The following CSMD1 variants were observed in gnomAD, a reference collection of about 807,000 sequenced individuals.
The protein encoded by CSMD1 is CUB and sushi domain-containing protein 1.
CSMD1 carries 213 observed loss-of-function variants against 417.5 expected under a neutral mutation model. That is an observed-to-expected ratio of 0.51 (90% confidence interval 0.46 to 0.57). The LOEUF (loss-of-function observed/expected upper bound fraction) is 0.57. CSMD1 is among the 20% of genes least tolerant of loss of function. The pLI is 0.00. For missense variants in CSMD1, 6,923 were observed against 4,529.7 expected (o/e 1.53, Z -15.17); for synonymous variants, 2,862 against 1,736.8 (o/e 1.65, Z -16.11).
chr8:4,455,138 T>G (rs1424394023), intron 2 of CSMD1, among the ~76,000 whole-genome samples: 1 of 152,158 alleles, frequency 6.6e-6, no homozygotes, highest in Non-Finnish European at 1.5e-5. Context: ...CAAAGAGGAT[T>G]TGGACAACAG....
chr8:3,374,037 C>G (rs367948767), intron 18 of CSMD1, among the ~76,000 whole-genome samples: 89 of 150,668 alleles, frequency 5.9e-4, no homozygotes, highest in African/African-American at 2.1e-3. Flanking sequence ...ACTGCAACCT[C>G]TGCCTCCCGG....
rs189659879 is a variant in CSMD1, at chr8:3,829,717, C to T, written c.819-75675G>A. ...AAATATTTGGTTGAAAATCAGCTTTCTTCCTGTAGCAGTTCTCAAAATTCT... is the reference window on the plus strand; with the variant it reads ...AAATATTTGGTTGAAAATCAGCTTTTTTCCTGTAGCAGTTCTCAAAATTCT... On this transcript the variant is annotated intron_variant, in intron 5 of 69. Transcript: ENST00000635120. Among the ~76,000 whole-genome samples, 91 of 152,296 alleles carry T rather than the reference C, an allele frequency of 6.0e-4. 1 individual carries two copies. The highest frequency in any genetic ancestry group is 3.4e-3 in the Middle Eastern group (1 of 294).
chr8:3,456,002 G>C (rs1816100229), intron 12 of CSMD1, among the ~76,000 whole-genome samples: 1 of 152,148 alleles, frequency 6.6e-6, no homozygotes, highest in Non-Finnish European at 1.5e-5. Context: ...ACTCAAGCCT[G>C]GGCAATGGTG....
chr8:3,931,866 A>G (rs1810170916), intron 5 of CSMD1, among the ~76,000 whole-genome samples: 1 of 147,686 alleles, frequency 6.8e-6, no homozygotes, highest in Admixed American at 6.7e-5. Flanking sequence ...CAAAGGGAGA[A>G]GTGATTTTGG....
At chr8:3,523,345 G>C (rs1329607007) in intron 10 of CSMD1, among the ~76,000 whole-genome samples, 1 of 152,206 alleles carries the variant, frequency 6.6e-6, no homozygotes, top group Non-Finnish European at 1.5e-5. Flanking sequence ...TGGCAACACA[G>C]TGTCATTCTG....
intron 2 of CSMD1, among the ~76,000 whole-genome samples, chr8:4,453,248 A>C (rs534244957): frequency 2.1e-5 from 3 of 144,860 alleles, no homozygotes; most frequent in Non-Finnish European, 3.1e-5. Flanking sequence ...CACACACTGA[A>C]CCTCCTAGCT....
intron 1 of CSMD1, among the ~76,000 whole-genome samples, chr8:4,845,173 T>C (rs191995008): frequency 3.3e-5 from 5 of 152,352 alleles, no homozygotes; most frequent in East Asian, 1.9e-4. Flanking sequence ...TTATGAGAAG[T>C]AGAGTATAAC....
intron 5 of CSMD1, among the ~76,000 whole-genome samples, chr8:3,868,827 T>C (rs1179442777): frequency 1.3e-5 from 2 of 152,168 alleles, no homozygotes; most frequent in Non-Finnish European, 2.9e-5. Context: ...TCATGGCCAA[T>C]GTGCTCATCC....
chr8:4,860,655 C>T (rs1419692977), intron 1 of CSMD1, among the ~76,000 whole-genome samples: 2 of 152,130 alleles, frequency 1.3e-5, no homozygotes, highest in Non-Finnish European at 2.9e-5. Context: ...CTAATACAGC[C>T]TAACACACCT....
At chr8:3,697,144 T>C (rs934531557) in intron 7 of CSMD1, among the ~76,000 whole-genome samples, 2 of 152,314 alleles carry the variant, frequency 1.3e-5, no homozygotes, top group Admixed American at 6.5e-5. Context: ...TCAGTCTAAA[T>C]TGGCTTTTTT....
intron 8 of CSMD1, among the ~76,000 whole-genome samples, chr8:3,596,193 A>AGCAGCCTGCACCACCGCCCCG (rs1381385208): frequency 2.0e-5 from 3 of 152,144 alleles, no homozygotes; most frequent in African/African-American, 7.2e-5. Flanking sequence ...GCAGAGCTCC[A>AGCAGCCTGCACCACCGCCCCG]GCAGCCTGCA....
At chr8:3,763,225 T>G (rs1798106036) in intron 5 of CSMD1, among the ~76,000 whole-genome samples, 1 of 152,090 alleles carries the variant, frequency 6.6e-6, no homozygotes. Flanking sequence ...TATGAAACCC[T>G]CGATGTTATG....
chr8:4,070,609 G>T (rs567886181), intron 3 of CSMD1, among the ~76,000 whole-genome samples: 1 of 151,908 alleles, frequency 6.6e-6, no homozygotes, highest in African/African-American at 2.4e-5. Flanking sequence ...CACCCACCTC[G>T]GCCTCCCAAA....
At chr8:4,642,927 T>G (rs1010296416) in intron 1 of CSMD1, among the ~76,000 whole-genome samples, 8 of 152,166 alleles carry the variant, frequency 5.3e-5, no homozygotes, top group Non-Finnish European at 1.0e-4. Context: ...GAAATGATAC[T>G]CTGTAGCAAA....
chr8:4,915,867 T>A (rs942238141), intron 1 of CSMD1, among the ~76,000 whole-genome samples: 1 of 152,224 alleles, frequency 6.6e-6, no homozygotes, highest in African/African-American at 2.4e-5. Flanking sequence ...CAAAGTTGCT[T>A]AGATCTTTTC....
intron 5 of CSMD1, among the ~76,000 whole-genome samples, chr8:3,762,813 C>T (rs531442169): frequency 1.3e-5 from 2 of 152,318 alleles, no homozygotes; most frequent in African/African-American, 2.4e-5. Context: ...GAGCCACCCA[C>T]GCAGCCGTGT....
intron 10 of CSMD1, among the ~76,000 whole-genome samples, chr8:3,498,084 A>C (rs1026366099): frequency 1.9e-4 from 28 of 151,288 alleles, no homozygotes; most frequent in African/African-American, 6.6e-4. Context: ...CTTGGCTGAC[A>C]TTTCTTCTTC....
At chr8:3,302,152 T>A (rs1374169183) in intron 25 of CSMD1, among the ~76,000 whole-genome samples, 1 of 152,098 alleles carries the variant, frequency 6.6e-6, no homozygotes, top group Non-Finnish European at 1.5e-5. Context: ...ACAATAATGA[T>A]GAAATAATGA....
chr8:4,063,049 A>G (rs2554703), intron 3 of CSMD1, among the ~76,000 whole-genome samples: 89,925 of 152,156 alleles, frequency 0.59, 27,016 homozygotes, highest in East Asian at 0.8. Context: ...GTTGGCTAAT[A>G]GGGATAAATA....
Sources: gnomAD v4.1 joint callset for allele counts (sites outside exome capture counted in the v4.1 genomes callset) on GRCh38, gnomAD v4.1.1 for gene constraint, MANE v1.5 for transcripts, NCBI Gene and HGNC (gene_info 2026-07-23, HGNC 2026-07-21) for gene names.